The following GRAMD1B variants were observed in gnomAD, a reference collection of about 807,000 sequenced individuals.
GRAMD1B encodes protein Aster-B.
In GRAMD1B, 37 loss-of-function variants were observed where a neutral mutation model predicts 99.7. That is an observed-to-expected ratio of 0.37 (90% CI 0.29 to 0.49). The LOEUF (loss-of-function observed/expected upper bound fraction) is 0.49. GRAMD1B is among the 20% of genes least tolerant of loss of function. The pLI, the probability that GRAMD1B is intolerant of heterozygous loss-of-function variation, is 0.98. For missense variants in GRAMD1B, 888 were observed against 1,009.2 expected (o/e 0.88, Z 1.63); for synonymous variants, 427 against 387.6 (o/e 1.10, Z -1.19).
intron 2 of GRAMD1B, among the ~76,000 whole-genome samples, chr11:123,524,906 C>T (rs1042220228): frequency 4.6e-5 from 7 of 151,994 alleles, no homozygotes; most frequent in Non-Finnish European, 2.9e-5. Flanking sequence ...AGAAAGGGAT[C>T]ATATAGCCAG....
At chr11:123,561,686 A>T (rs889093044) in intron 2 of GRAMD1B, among the ~76,000 whole-genome samples, 2 of 152,208 alleles carry the variant, frequency 1.3e-5, no homozygotes, top group Non-Finnish European at 2.9e-5. Flanking sequence ...ACTTGCTAGC[A>T]CACTGTGCTC....
intron 19 of GRAMD1B, 60 bp downstream of exon 19, chr11:123,619,284 A>C: frequency 6.5e-7 from 1 of 1,542,558 alleles, no homozygotes; most frequent in Non-Finnish European, 8.7e-7. Context: ...TCCTTCCCTT[A>C]TGCTGTGAGA....
intron 3 of GRAMD1B, among the ~76,000 whole-genome samples, chr11:123,582,755 GCA>G (rs55771369): frequency 0.037 from 5,601 of 152,274 alleles, 160 homozygotes; most frequent in Non-Finnish European, 0.058. Context: ...ATCACCGCGG[GCA>G]CACACCCACC....
chr11:123,445,206 A>G (rs996830585), intron 1 of GRAMD1B, among the ~76,000 whole-genome samples: 3 of 152,198 alleles, frequency 2.0e-5, no homozygotes, highest in Non-Finnish European at 4.4e-5. Flanking sequence ...GAGTGTTGTC[A>G]GGTATTTCTG....
chr11:123,620,194 C>A (rs1437669642), intron 19 of GRAMD1B, among the ~76,000 whole-genome samples: 1 of 152,132 alleles, frequency 6.6e-6, no homozygotes, highest in African/African-American at 2.4e-5. Context: ...GAAAAAGAGG[C>A]CGGGTGTGGT....
At chr11:123,477,718 C>T (rs1460485969) in intron 1 of GRAMD1B, among the ~76,000 whole-genome samples, 1 of 145,520 alleles carries the variant, frequency 6.9e-6, no homozygotes, top group African/African-American at 2.5e-5. Flanking sequence ...CCTTCCTTTC[C>T]TTTCCCTTTC....
At chr11:123,460,417 G>A (rs907089101) in intron 1 of GRAMD1B, 2 of 151,564 alleles carry the variant, frequency 1.3e-5, no homozygotes, top group Admixed American at 6.6e-5. Context: ...AGTGGGTTCC[G>A]GGACTGAACT....
intron 1 of GRAMD1B, among the ~76,000 whole-genome samples, chr11:123,383,777 G>T (rs1946965401): frequency 6.6e-6 from 1 of 150,420 alleles, no homozygotes; most frequent in African/African-American, 2.5e-5. Context: ...TTTGGCTATT[G>T]TTCCCTTCAT....
At chr11:123,445,044 AG>A (rs1949576205) in intron 1 of GRAMD1B, among the ~76,000 whole-genome samples, 1 of 152,202 alleles carries the variant, frequency 6.6e-6, no homozygotes, top group Non-Finnish European at 1.5e-5. Context: ...GGAAAGTCCA[AG>A]GGTTTTAGGA....
At position 123,536,141 on chromosome 11, in the gene GRAMD1B, G is replaced by A. The variant is rs148924301; in HGVS notation, c.453-41226G>A. ...ATCTGTAAAATGTGGTTGTCCAGGC[G>A]TGGTGACTCACACCTGTAATCTCAG... On this transcript the variant is annotated intron_variant, in intron 2 of 19. Coordinates refer to ENST00000635736, the MANE Select transcript of GRAMD1B (RefSeq NM_001387025.1). Among the ~76,000 whole-genome samples the A allele has an allele frequency of 5.9e-3, 896 of 152,306 alleles. 13 individuals carry two copies. Among genetic ancestry groups the A allele is most frequent in the African/African-American group, 0.02 (846 of 41,540 alleles).
intron 1 of GRAMD1B, among the ~76,000 whole-genome samples, chr11:123,449,292 G>A (rs1446973037): frequency 6.6e-6 from 1 of 152,188 alleles, no homozygotes; most frequent in African/African-American, 2.4e-5. Context: ...TTCAGTGCCT[G>A]CTAAGCTCTT....
intron 2 of GRAMD1B, among the ~76,000 whole-genome samples, chr11:123,499,583 T>C (rs1939645915): frequency 6.6e-6 from 1 of 152,184 alleles, no homozygotes; most frequent in Non-Finnish European, 1.5e-5. Context: ...CCTCTTTTCT[T>C]ATCCTCAGGC....
At position 123,606,783 on chromosome 11, in the gene GRAMD1B, G is replaced by T; in HGVS notation, c.1498G>T (p.Asp500Tyr). ...DIPTELSDSS[D>Y]THDEGEVQAF... The stretch of plus-strand genomic sequence containing the variant: ...CCCCACTGAGCTCAGTGACTCTTCC[G>T]ACACACACGATGAAGGTGGGCATTT... The change falls in exon 11 of 20, where the codon GAC (aspartate) becomes TAC (tyrosine). Residue 500 changes from aspartate (D) to tyrosine (Y), a missense_variant. Physicochemically the swap from Asp to Tyr is radical, Grantham distance 160 (BLOSUM62 -3). This residue lies in a region of GRAMD1B where 269 missense variants were observed against 296.6 expected (regional missense o/e 0.91). Transcript: ENST00000635736. 6.2e-7 allele frequency: 1 copy of T among 1,613,562 alleles called. No individual in the cohort carries two copies. The highest frequency in any genetic ancestry group is 8.5e-7 in the Non-Finnish European group (1 of 1,179,680).
intron 1 of GRAMD1B, among the ~76,000 whole-genome samples, chr11:123,398,534 T>C (rs190178103): frequency 6.6e-4 from 100 of 152,374 alleles, no homozygotes; most frequent in African/African-American, 2.3e-3. Context: ...TATCAATTTA[T>C]ACTCCCATTG....
chr11:123,360,775 C>T (rs1379052687), intron 1 of GRAMD1B, among the ~76,000 whole-genome samples: 3 of 41,266 alleles, frequency 7.3e-5, no homozygotes, highest in Non-Finnish European at 8.0e-5. Flanking sequence ...TTCTTTCCTT[C>T]CTTCCTTCCT....
rs535890583 is a variant in GRAMD1B, at chr11:123,556,401, C to G, written c.453-20966C>G. Among the ~76,000 whole-genome samples, 3 of 152,284 alleles carry G rather than the reference C, an allele frequency of 2.0e-5. No homozygotes were observed. In the East Asian group the frequency reaches 5.8e-4, roughly 29 times the overall value. On this transcript the variant is annotated intron_variant, in intron 2 of 19. Transcript: ENST00000635736. ...GCATGTCAACAAAGATTATCAAACA[C>G]AGGAAGTGAATAAAATACTATGTAG...
chr11:123,502,441 C>T (rs907345472), intron 2 of GRAMD1B, among the ~76,000 whole-genome samples: 3 of 152,158 alleles, frequency 2.0e-5, no homozygotes, highest in Non-Finnish European at 4.4e-5. Flanking sequence ...GGTGGCTTCT[C>T]TTATACAGAT....
At chr11:123,407,616 G>A (rs1947899805) in intron 1 of GRAMD1B, among the ~76,000 whole-genome samples, 1 of 152,186 alleles carries the variant, frequency 6.6e-6, no homozygotes, top group Admixed American at 6.5e-5. Context: ...TTCTGTCTGG[G>A]TTATAGCTTG....
chr11:123,565,969 T>C (rs1165648465), intron 2 of GRAMD1B, among the ~76,000 whole-genome samples: 1 of 152,230 alleles, frequency 6.6e-6, no homozygotes, highest in Non-Finnish European at 1.5e-5. Context: ...AGGAACTAGC[T>C]GAATATATGC....
Sources: gnomAD v4.1 joint callset for allele counts (sites outside exome capture counted in the v4.1 genomes callset) on GRCh38, gnomAD v4.1.1 for gene constraint, gnomAD v4.1.1 regional missense constraint, MANE v1.5 for transcripts, NCBI Gene and HGNC (gene_info 2026-07-23, HGNC 2026-07-21) for gene names.